The following GBGT1 variants were observed in gnomAD, a reference collection of about 807,000 sequenced individuals.
The protein encoded by GBGT1 is globoside alpha-1,3-N-acetylgalactosaminyltransferase 1 (FORS blood group), also known as globoside alpha-1,3-N-acetylgalactosaminyltransferase 1.
A neutral mutation model predicts 20.9 loss-of-function variants in GBGT1; 18 were observed. That is an observed-to-expected ratio of 0.86 (90% CI 0.60 to 1.28). The LOEUF (loss-of-function observed/expected upper bound fraction) is 1.28, where lower values mean the gene tolerates loss of function less well. GBGT1 is among the 50% of genes most tolerant of loss of function. The pLI, the probability that GBGT1 is intolerant of heterozygous loss-of-function variation, is 0.00. For synonymous variants in GBGT1, 168 were observed against 180.8 expected (o/e 0.93, Z 0.57); for missense variants, 432 against 455.7 (o/e 0.95, Z 0.47).
chr9:133,161,228 G>A, intron 3 of GBGT1: 1 of 490,102 alleles, frequency 2.0e-6, no homozygotes, highest in Non-Finnish European at 3.6e-6. Context: ...GCTCACAGCT[G>A]TGCAACATGT....
intron 3 of GBGT1, among the ~76,000 whole-genome samples, chr9:133,157,014 T>C (rs1027680824): frequency 6.6e-6 from 1 of 152,222 alleles, no homozygotes; most frequent in African/African-American, 2.4e-5. Context: ...CCAGCCCAGG[T>C]GGCTCACACC....
rs955895623 is a variant in GBGT1 at position 133,162,926 on chromosome 9, G to C, written c.-120-394C>G. On this transcript the variant is annotated intron_variant, in intron 1 of 6. Transcript: ENST00000372040. ...TGCGGTCATGTGGACTCTAGGTCCC[G>C]CTGGACCCCGGGCTCAGCTCTGGCA... Among the ~76,000 whole-genome samples the C allele has an allele frequency of 2.0e-5, 3 of 152,338 alleles. No individual in the cohort carries two copies. The East Asian group carries it at 5.8e-4, about 29-fold the overall frequency.
intron 3 of GBGT1, chr9:133,161,139 T>C: frequency 2.5e-6 from 1 of 403,502 alleles, no homozygotes; most frequent in African/African-American, 2.0e-5. Context: ...CAACCCCTGC[T>C]GGTCACCGGG....
chr9:133,153,473 G>T lies in GBGT1; in HGVS notation c.*104C>A, dbSNP rs1468235476. ...CCACGTCCCTTTTCCGGTTGAATTCGCCTGACTGACAGGGAGGCGGGACAG... is the reference window on the plus strand; with the variant it reads ...CCACGTCCCTTTTCCGGTTGAATTCTCCTGACTGACAGGGAGGCGGGACAG... On this transcript the variant is annotated 3_prime_UTR_variant, in exon 7 of 7. Coordinates refer to ENST00000372040, the MANE Select transcript of GBGT1 (RefSeq NM_021996.6). 6 of 799,244 alleles carry T rather than the reference G, an allele frequency of 7.5e-6. No individual in the cohort carries two copies. Among genetic ancestry groups the T allele is most frequent in the African/African-American group, 1.7e-5 (1 of 57,644 alleles). 49.5% of individuals were successfully genotyped at this position (799,244 alleles called of 1,614,324 possible).
At chr9:133,160,682 C>T (rs1480423724) in intron 3 of GBGT1, among the ~76,000 whole-genome samples, 1 of 152,060 alleles carries the variant, frequency 6.6e-6, no homozygotes, top group East Asian at 1.9e-4. Context: ...GAGAGAGGCT[C>T]AAAAATTATG....
intron 3 of GBGT1, among the ~76,000 whole-genome samples, chr9:133,159,616 C>A (rs1025922029): frequency 1.3e-5 from 2 of 150,526 alleles, no homozygotes; most frequent in Admixed American, 1.3e-4. Flanking sequence ...CATAGTGAGA[C>A]CCTGTCTCTA....
At chr9:133,160,132 A>G in intron 3 of GBGT1, 1 of 345,748 alleles carries the variant, frequency 2.9e-6, no homozygotes, top group Non-Finnish European at 5.9e-6. Context: ...TCTACTAAAA[A>G]TACAAAAATT....
intron 2 of GBGT1, among the ~76,000 whole-genome samples, chr9:133,162,127 T>A (rs1378172274): frequency 1.5e-5 from 2 of 132,790 alleles, no homozygotes; most frequent in East Asian, 2.3e-4. Context: ...ACAGGGAGAG[T>A]CCTGGGTGGG....
rs970273162 is a variant in GBGT1, at chr9:133,156,601, A to G, written c.138-536T>C. 4.6e-5 allele frequency among the ~76,000 whole-genome samples: 7 copies of G among 151,944 alleles called. No individual in the cohort carries two copies. In the South Asian group the frequency reaches 1.5e-3, roughly 32 times the overall value. ...CTTGAACCCAGGAGGCAGAGGTTGCAGTGAGCCGAGATCGCACCATTGCAC... is the reference window on the plus strand; with the variant it reads ...CTTGAACCCAGGAGGCAGAGGTTGCGGTGAGCCGAGATCGCACCATTGCAC... On this transcript the variant is annotated intron_variant, in intron 3 of 6. Transcript: ENST00000372040.
Position 133,154,037 on chromosome 9 carries a change from G to T in GBGT1, c.584C>A (p.Ala195Asp). 1.2e-6 allele frequency: 2 copies of T among 1,613,708 alleles called. No homozygotes were observed. Among genetic ancestry groups the T allele is most frequent in the Non-Finnish European group, 8.5e-7 (1 of 1,179,966 alleles). ...GAAGAGGTAGTCCACCTCCCGGTGA[G>T]CCCTCTTAGCAATGTGCTGGCTGAT... The part of the protein sequence containing the change: ...ETISQHIAKR[A>D]HREVDYLFCL... Residue 195 changes from alanine (A) to aspartate (D), a missense_variant, in exon 7 of 7, where the codon GCT becomes GAT. Physicochemically the swap from Ala to Asp is moderately radical, Grantham distance 126. Coordinates refer to ENST00000372040, the MANE Select transcript of GBGT1 (RefSeq NM_021996.6). This position sits in a 1 kb window ranked among gnomAD's most constrained non-coding sequence, Gnocchi z 4.2.
rs776225870 is a variant in GBGT1, at chr9:133,154,188, A to T, written c.433T>A (p.Tyr145Asn). Residue 145 changes from tyrosine to asparagine, a missense_variant, in exon 7 of 7, where the codon TAC becomes AAC. Physicochemically the swap from Tyr to Asn is moderately radical, Grantham distance 143 (BLOSUM62 -2). Coordinates refer to ENST00000372040, the MANE Select transcript of GBGT1 (RefSeq NM_021996.6). This position sits in a 1 kb window ranked among gnomAD's most constrained non-coding sequence, Gnocchi z 4.2. ...FFMRGYRVHY[Y>N]IFTDNPAAVP... ...GCTGCAGGGTTGTCAGTGAAGATGT[A>T]GTAGTGCACCCGGTACCCACGCATG... 1.4e-5 allele frequency: 22 copies of T among 1,581,078 alleles called. No individual in the cohort carries two copies. Among genetic ancestry groups the T allele is most frequent in the Admixed American group, 8.7e-5 (5 of 57,670 alleles).
chr9:133,157,841 C>T (rs923510238), intron 3 of GBGT1, among the ~76,000 whole-genome samples: 5 of 152,120 alleles, frequency 3.3e-5, no homozygotes, highest in African/African-American at 7.2e-5. Context: ...CAGGTGGAAG[C>T]GAGGTGCAGA....
intron 1 of GBGT1, chr9:133,163,082 G>T (rs76680494): frequency 0.081 from 12,361 of 153,066 alleles, 532 homozygotes; most frequent in Middle Eastern, 0.13. Context: ...CCGCGTCTCC[G>T]TACTAGGTCC....
intron 3 of GBGT1, 115 bp from the exon 4 acceptor site, chr9:133,156,180 G>A: frequency 2.6e-6 from 3 of 1,160,982 alleles, no homozygotes; most frequent in Non-Finnish European, 3.7e-6. Flanking sequence ...GTCCATGCAG[G>A]CTCCCTCTGA....
rs1832752769 is a variant in GBGT1 at position 133,153,164 on chromosome 9, A to G, written c.*413T>C. ...GGACCCAGGACCCCTGTGACCAGAG[A>G]AAAGGGGTCTAGGGCGCCTTCACAC... On this transcript the variant is annotated 3_prime_UTR_variant, in exon 7 of 7. Coordinates refer to ENST00000372040, the MANE Select transcript of GBGT1 (RefSeq NM_021996.6). 1 of 156,404 alleles carries G rather than the reference A, an allele frequency of 6.4e-6. No individual in the cohort carries two copies. The highest frequency in any genetic ancestry group is 1.4e-5 in the Non-Finnish European group (1 of 71,086). The allele number at this position is 156,404 out of a possible 1,614,324, so 9.7% of individuals were successfully genotyped here.
intron 3 of GBGT1, chr9:133,160,016 G>A (rs1339906714): frequency 1.3e-5 from 2 of 156,166 alleles, no homozygotes; most frequent in Middle Eastern, 3.0e-3. Context: ...AAGGCCAGGG[G>A]TGGTGGTTCA....
intron 3 of GBGT1, chr9:133,160,922 A>G (rs2119323117): frequency 1.1e-5 from 3 of 261,844 alleles, no homozygotes; most frequent in South Asian, 1.7e-4. Context: ...AGACAGGACA[A>G]TCTCTTGAAC....
chr9:133,155,053 A>C, intron 6 of GBGT1, 125 bp downstream of exon 6: 3 of 778,728 alleles, frequency 3.9e-6, no homozygotes, highest in South Asian at 1.7e-5. Context: ...TCTGCTTGGC[A>C]CCTGGTTCCG....
At position 133,155,912 on chromosome 9, in the gene GBGT1, C is replaced by T; in HGVS notation, c.213G>A (p.Leu71=). 1 of 1,614,186 alleles carries T rather than the reference C, an allele frequency of 6.2e-7. No individual in the cohort carries two copies. Among genetic ancestry groups the T allele is most frequent in the Non-Finnish European group, 8.5e-7 (1 of 1,180,018 alleles). Reference sequence around the variant, plus strand: ...TCCATGACACCTACCTGTGCTCCAGCAGCTTGGGCTGAGGGTACTGTGACC... The same window carrying T: ...TCCATGACACCTACCTGTGCTCCAGTAGCTTGGGCTGAGGGTACTGTGACC... ...VVWSQYPQPK[L]LEHRPTQLLT... Residue 71 remains leucine, a synonymous_variant, in exon 5 of 7, where the codon CTG becomes CTA. Coordinates refer to ENST00000372040, the MANE Select transcript of GBGT1 (RefSeq NM_021996.6).
Sources: allele counts gnomAD v4.1 joint callset (sites outside exome capture counted in the v4.1 genomes callset), GRCh38; gene constraint gnomAD v4.1.1; non-coding constraint Gnocchi (gnomAD v3.1); transcripts MANE v1.5; gene names NCBI Gene and HGNC (gene_info 2026-07-23, HGNC 2026-07-21).